The following REEP1 variants were observed in gnomAD, a reference collection of about 807,000 sequenced individuals.
REEP1 encodes receptor accessory protein 1, also known as receptor expression-enhancing protein 1.
A neutral mutation model predicts 40.3 loss-of-function variants in REEP1; 22 were observed. That is an observed-to-expected ratio of 0.55 (90% CI 0.39 to 0.78). The LOEUF is 0.78. Among genes scored for constraint, REEP1 ranks in the 30% least tolerant of loss-of-function variants. The pLI, the probability that REEP1 is intolerant of heterozygous loss-of-function variation, is 0.00. For synonymous variants in REEP1, 116 were observed against 139.2 expected (o/e 0.83, Z 1.17); for missense variants, 280 against 361.1 (o/e 0.78, Z 1.82).
intron 5 of REEP1, among the ~76,000 whole-genome samples, chr2:86,241,397 G>T (rs554849178): frequency 6.6e-6 from 1 of 152,174 alleles, no homozygotes; most frequent in Non-Finnish European, 1.5e-5. Context: ...ACAGGTACTT[G>T]TGATCCTCAT....
chr2:86,337,516 G>A lies in REEP1; in HGVS notation c.-6C>T. 1 of 1,282,248 alleles carries A rather than the reference G, an allele frequency of 7.8e-7. No individual in the cohort carries two copies. Among genetic ancestry groups the A allele is most frequent in the Non-Finnish European group, 9.9e-7 (1 of 1,008,470 alleles). 79.4% of individuals were successfully genotyped at this position (1,282,248 alleles called of 1,614,324 possible). Reference sequence around the variant, plus strand: ...GAGATGATCCATGACACCATGGCGGGCAGGCGGGCGGGCGAGGCCCGGGCG... The same window carrying A: ...GAGATGATCCATGACACCATGGCGGACAGGCGGGCGGGCGAGGCCCGGGCG... On this transcript the variant is annotated 5_prime_UTR_variant, in exon 1 of 9. Transcript: ENST00000538924. This position sits in a 1 kb window ranked among gnomAD's most constrained non-coding sequence, Gnocchi z 5.8.
rs1245460394 is a variant in REEP1 at position 86,285,755 on chromosome 2, G to A, written c.33-3513C>T. ...GGCACAGCACCTCCCCCTTTAAGTG[G>A]GTGCTTGAAATGTCTGTTGAGTAAC... On this transcript the variant is annotated intron_variant, in intron 1 of 8. Coordinates refer to ENST00000538924, the MANE Select transcript of REEP1 (RefSeq NM_001371279.1). Among the ~76,000 whole-genome samples, 4 of 152,180 alleles carry A rather than the reference G, an allele frequency of 2.6e-5. No individual in the cohort carries two copies. The East Asian group carries it at 7.7e-4, about 29-fold the overall frequency.
At chr2:86,234,898 C>A (rs772221747) in intron 5 of REEP1, among the ~76,000 whole-genome samples, 9 of 152,104 alleles carry the variant, frequency 5.9e-5, no homozygotes, top group Non-Finnish European at 1.0e-4. Flanking sequence ...GATTATTTTA[C>A]GCAGAAACAT....
intron 1 of REEP1, among the ~76,000 whole-genome samples, chr2:86,309,413 C>T (rs779355176): frequency 3.3e-5 from 5 of 152,248 alleles, no homozygotes; most frequent in African/African-American, 7.2e-5. Flanking sequence ...TCACAACACA[C>T]GTGCTCTTCA....
chr2:86,328,638 C>T (rs1000441967), intron 1 of REEP1, among the ~76,000 whole-genome samples: 2 of 152,180 alleles, frequency 1.3e-5, no homozygotes, highest in African/African-American at 4.8e-5. Flanking sequence ...AAGATGGTGC[C>T]ACTGCACTCC....
At position 86,337,520 on chromosome 2, in the gene REEP1, G is replaced by A; in HGVS notation, c.-10C>T. ...TGATCCATGACACCATGGCGGGCAGGCGGGCGGGCGAGGCCCGGGCGGCGC... is the reference window on the plus strand; with the variant it reads ...TGATCCATGACACCATGGCGGGCAGACGGGCGGGCGAGGCCCGGGCGGCGC... On this transcript the variant is annotated 5_prime_UTR_variant, in exon 1 of 9. Transcript: ENST00000538924. The surrounding 1 kb of genome is among the most constrained non-coding windows in gnomAD (Gnocchi z 5.8). 3 of 1,275,546 alleles carry A rather than the reference G, an allele frequency of 2.4e-6. No homozygotes were observed. The highest frequency in any genetic ancestry group is 3.0e-6 in the Non-Finnish European group (3 of 1,005,580). The allele number at this position is 1,275,546 out of a possible 1,614,324, so 79.0% of individuals were successfully genotyped here.
Position 86,337,495 on chromosome 2 carries a change from T to C in REEP1, c.16A>G (p.Ile6Val). 1 of 1,302,936 alleles carries C rather than the reference T, an allele frequency of 7.7e-7. No homozygotes were observed. The highest frequency in any genetic ancestry group is 3.3e-5 in the Admixed American group (1 of 30,648). 80.7% of individuals were successfully genotyped at this position (1,302,936 alleles called of 1,614,324 possible). MVSWI[I>V]SRLVVLIFGT... is the part of the protein sequence containing the mutation. ...GCCACTTACACCACCAGCCTGGAGA[T>C]GATCCATGACACCATGGCGGGCAGG... Residue 6 changes from isoleucine (I) to valine (V), a missense_variant, in exon 1 of 9, where the codon ATC becomes GTC. Transcript: ENST00000538924. This position sits in a 1 kb window ranked among gnomAD's most constrained non-coding sequence, Gnocchi z 5.8.
intron 1 of REEP1, among the ~76,000 whole-genome samples, chr2:86,288,438 GTGCCACC>G (rs1261750700): frequency 2.5e-4 from 38 of 152,328 alleles, no homozygotes; most frequent in African/African-American, 8.9e-4. Context: ...TTACAGGTAT[GTGCCACC>G]TGCATCCAGT....
chr2:86,322,617 A>G, intron 1 of REEP1, among the ~76,000 whole-genome samples: 1 of 151,854 alleles, frequency 6.6e-6, no homozygotes, highest in Admixed American at 6.6e-5. Flanking sequence ...TGCCTGGCTA[A>G]TTTTTGTATT....
At chr2:86,259,527 A>G (rs1676745229) in intron 3 of REEP1, among the ~76,000 whole-genome samples, 1 of 151,722 alleles carries the variant, frequency 6.6e-6, no homozygotes, top group South Asian at 2.1e-4. Flanking sequence ...CTGGGACAAC[A>G]GGTGCTGCAC....
intron 1 of REEP1, among the ~76,000 whole-genome samples, chr2:86,286,838 GT>G (rs1401188919): frequency 6.6e-6 from 1 of 152,112 alleles, no homozygotes; most frequent in Non-Finnish European, 1.5e-5. Flanking sequence ...GCATCCTAGA[GT>G]TGCACCAACA....
chr2:86,325,447 T>C (rs894516187), intron 1 of REEP1, among the ~76,000 whole-genome samples: 3 of 152,132 alleles, frequency 2.0e-5, no homozygotes, highest in African/African-American at 7.2e-5. Context: ...AATGTTACCT[T>C]ATAAGGTAAA....
chr2:86,297,610 A>T, intron 1 of REEP1: 1 of 733,200 alleles, frequency 1.4e-6, no homozygotes, highest in Non-Finnish European at 1.7e-6. Context: ...GACCAAGAAC[A>T]GCCACTACCT....
Position 86,254,717 on chromosome 2 carries a change from G to T in REEP1, c.280C>A (p.Pro94Thr). 1 of 1,613,558 alleles carries T rather than the reference G, an allele frequency of 6.2e-7. No individual in the cohort carries two copies. The highest frequency in any genetic ancestry group is 2.2e-5 in the East Asian group (1 of 44,890). ...ACCTTTTCTTTTGAAGATAGCGTGG[G>T]ATGTACAAACTTCCTGTACAGGAGG... ...SSLLYRKFVH[P>T]TLSSKEKEID... The change falls in exon 4 of 9, where the codon CCC (proline) becomes ACC (threonine). Residue 94 changes from proline (P) to threonine (T), a missense_variant. Pro to Thr is a conservative substitution (Grantham distance 38). This residue lies in a region of REEP1 where 11 missense variants were observed against 38.9 expected (regional missense o/e 0.28). Coordinates refer to ENST00000538924, the MANE Select transcript of REEP1 (RefSeq NM_001371279.1).
chr2:86,300,566 A>T (rs1419531379), intron 1 of REEP1, among the ~76,000 whole-genome samples: 1 of 152,192 alleles, frequency 6.6e-6, no homozygotes, highest in African/African-American at 2.4e-5. Flanking sequence ...AGTACCAGAC[A>T]CACAGAGAGA....
At chr2:86,224,665 G>C (rs1416159826) in intron 7 of REEP1, among the ~76,000 whole-genome samples, 1 of 152,180 alleles carries the variant, frequency 6.6e-6, no homozygotes, top group Admixed American at 6.5e-5. Flanking sequence ...CCTGCTTCCC[G>C]CTGTCCAGCA....
At chr2:86,222,141 G>A (rs1440812038) in intron 7 of REEP1, among the ~76,000 whole-genome samples, 2 of 152,182 alleles carry the variant, frequency 1.3e-5, no homozygotes, top group African/African-American at 4.8e-5. Flanking sequence ...CACTGAGGCT[G>A]AGCAATGAAC....
rs934679616 is a variant in REEP1 at position 86,226,224 on chromosome 2, G to A, written c.631+1139C>T. 4.6e-5 allele frequency among the ~76,000 whole-genome samples: 7 copies of A among 151,904 alleles called. No homozygotes were observed. In the East Asian group the frequency reaches 5.8e-4, roughly 13 times the overall value. On this transcript the variant is annotated intron_variant, in intron 7 of 8. Coordinates refer to ENST00000538924, the MANE Select transcript of REEP1 (RefSeq NM_001371279.1). ...ACTTTCACAACAGCACAGTGAGGCC[G>A]GGAAGCAGGGATCTCATCTCCGTTT... is the stretch of plus-strand genomic sequence containing the variant.
At chr2:86,318,057 ATTAAC>A (rs1680102861) in intron 1 of REEP1, among the ~76,000 whole-genome samples, 1 of 152,256 alleles carries the variant, frequency 6.6e-6, no homozygotes, top group African/African-American at 2.4e-5. Context: ...TTATCCTACC[ATTAAC>A]TTAACAGTAT....
Sources: gnomAD v4.1 joint callset for allele counts (sites outside exome capture counted in the v4.1 genomes callset) on GRCh38, gnomAD v4.1.1 for gene constraint, gnomAD v4.1.1 regional missense constraint, Gnocchi (gnomAD v3.1) non-coding constraint, MANE v1.5 for transcripts, NCBI Gene and HGNC (gene_info 2026-07-23, HGNC 2026-07-21) for gene names.